Variants in TOR1AIP1 observed in about 807,000 individuals in gnomAD.
The protein encoded by TOR1AIP1 is torsin-1A-interacting protein 1.
In TOR1AIP1, 54 loss-of-function variants were observed where a neutral mutation model predicts 63.3. That is an observed-to-expected ratio of 0.85 (90% CI 0.69 to 1.07). The LOEUF (loss-of-function observed/expected upper bound fraction) is 1.07. TOR1AIP1 is among the 50% of genes least tolerant of loss of function. TOR1AIP1 has a pLI of 0.00. For missense variants in TOR1AIP1, 736 were observed against 715.0 expected (o/e 1.03, Z -0.33); for synonymous variants, 294 against 273.5 (o/e 1.07, Z -0.74).
At chr1:179,908,410 C>A (rs1487315324) in intron 7 of TOR1AIP1, among the ~76,000 whole-genome samples, 195 bp from the exon 8 acceptor site, 1 of 152,160 alleles carries the variant, frequency 6.6e-6, no homozygotes, top group Non-Finnish European at 1.5e-5. Flanking sequence ...TTGCTACCTG[C>A]TTTGCTGTAG....
chr1:179,890,330 A>T (rs935698362), intron 3 of TOR1AIP1, among the ~76,000 whole-genome samples: 21 of 152,328 alleles, frequency 1.4e-4, no homozygotes, highest in Admixed American at 1.2e-3. Flanking sequence ...GGGAACTAAA[A>T]AGGAAATGTA....
chr1:179,907,625 A>T (rs1183903189), intron 6 of TOR1AIP1, among the ~76,000 whole-genome samples, 198 bp from the exon 7 acceptor site: 1 of 23,282 alleles, frequency 4.3e-5, no homozygotes, highest in South Asian at 2.1e-3. Context: ...ATATGTATAT[A>T]TATGTATATA....
chr1:179,884,611 G>A, intron 1 of TOR1AIP1, 81 bp from the exon 2 acceptor site: 2 of 1,207,624 alleles, frequency 1.7e-6, no homozygotes, highest in South Asian at 2.9e-5. Flanking sequence ...CTTATGTATT[G>A]TTACAAAAAT....
chr1:179,883,500 T>C (rs1443801259), intron 1 of TOR1AIP1: 3 of 399,164 alleles, frequency 7.5e-6, no homozygotes, highest in Non-Finnish European at 1.5e-5. Context: ...TTGCTGAGTT[T>C]AGTGAATTGA....
rs2148471799 is a variant in TOR1AIP1, at chr1:179,889,383, T to C, written c.610+14T>C. The stretch of plus-strand genomic sequence containing the variant: ...ACCCAAGATATGGTAAGAGATTGTT[T>C]GTCTGTTGGTTTACCTTTGTTATAA... On this transcript the variant is annotated intron_variant, in intron 3 of 9. Coordinates refer to ENST00000606911, the MANE Select transcript of TOR1AIP1 (RefSeq NM_015602.4). 6.3e-7 allele frequency: 1 copy of C among 1,598,850 alleles called. No individual in the cohort carries two copies. Among genetic ancestry groups the C allele is most frequent in the East Asian group, 2.2e-5 (1 of 44,726 alleles).
At chr1:179,912,746 A>T (rs1019083725) in intron 8 of TOR1AIP1, among the ~76,000 whole-genome samples, 1 of 152,192 alleles carries the variant, frequency 6.6e-6, no homozygotes, top group African/African-American at 2.4e-5. Flanking sequence ...TATTCCTCTT[A>T]CAGTTGCTGT....
chr1:179,882,314 C>A lies in TOR1AIP1; in HGVS notation c.-189C>A. 1.9e-6 allele frequency: 1 copy of A among 513,710 alleles called. No individual in the cohort carries two copies. The highest frequency in any genetic ancestry group is 3.3e-6 in the Non-Finnish European group (1 of 307,568). The allele number at this position is 513,710 out of a possible 1,614,324, so 31.8% of individuals were successfully genotyped here. On this transcript the variant is annotated 5_prime_UTR_variant, in exon 1 of 10. Coordinates refer to ENST00000606911, the MANE Select transcript of TOR1AIP1 (RefSeq NM_015602.4). ...CCTCTCTCACAGCCCTCAAGACACA[C>A]CATGGGCCCAGAGGCAGGTTTGCTA... is the stretch of plus-strand genomic sequence containing the variant.
intron 7 of TOR1AIP1, among the ~76,000 whole-genome samples, chr1:179,908,299 A>T (rs1259422837): frequency 1.3e-5 from 2 of 152,024 alleles, no homozygotes; most frequent in African/African-American, 4.8e-5. Context: ...TTTTTAATTC[A>T]CCACGGATTG....
intron 2 of TOR1AIP1, 27 bp from the exon 3 acceptor site, chr1:179,889,286 A>T (rs779560939): frequency 6.5e-7 from 1 of 1,539,292 alleles, no homozygotes; most frequent in South Asian, 1.2e-5. Context: ...ATATATTTTT[A>T]AATGTTTTCT....
chr1:179,907,615 A>ATATG (rs1385518191), intron 6 of TOR1AIP1, among the ~76,000 whole-genome samples: 1 of 22,068 alleles, frequency 4.5e-5, no homozygotes, highest in African/African-American at 1.1e-4. Context: ...ATATATATAT[A>ATATG]TATGTATATA....
rs1301688963 is a variant in TOR1AIP1, at chr1:179,900,130, C to T, written c.615C>T (p.Ala205=). 3.1e-6 allele frequency: 5 copies of T among 1,605,080 alleles called. No homozygotes were observed. The highest frequency in any genetic ancestry group is 2.6e-6 in the Non-Finnish European group (3 of 1,174,422). The part of the protein sequence containing the change: ...RPPLRYPRYE[A]TSVQQKVNFS... ...ATGTATGCTTTTTTCTTCTAGAAGC[C>T]ACCAGTGTCCAACAGAAGGTCAATT... is the stretch of plus-strand genomic sequence containing the variant. Residue 205 remains alanine, a synonymous_variant, in exon 4 of 10, where the codon GCC becomes GCT. Transcript: ENST00000606911.
rs1479607699 is a variant in TOR1AIP1 at position 179,907,938 on chromosome 1, A to G, written c.838+74A>G. On this transcript the variant is annotated intron_variant, in intron 7 of 9. Coordinates refer to ENST00000606911, the MANE Select transcript of TOR1AIP1 (RefSeq NM_015602.4). The stretch of plus-strand genomic sequence containing the variant: ...CTTTTTTTTTTTTTTTTTTTTTGAG[A>G]CGATGTCTTGCTCTGTCGCCCAGGC... 13 of 566,242 alleles carry G rather than the reference A, an allele frequency of 2.3e-5. No homozygotes were observed. In the African/African-American group the frequency reaches 3.0e-4, roughly 13 times the overall value. 35.1% of individuals were successfully genotyped at this position (566,242 alleles called of 1,614,324 possible). A position where few individuals can be genotyped will look rare whatever the true frequency, so the allele number is the denominator to read the frequency against.
chr1:179,909,943 T>C (rs1271014713), intron 8 of TOR1AIP1, among the ~76,000 whole-genome samples: 1 of 152,182 alleles, frequency 6.6e-6, no homozygotes, highest in African/African-American at 2.4e-5. Context: ...TTTGTACTTT[T>C]AGTAGAGACG....
intron 8 of TOR1AIP1, among the ~76,000 whole-genome samples, chr1:179,910,546 A>G (rs997646861): frequency 7.2e-5 from 11 of 152,198 alleles, no homozygotes; most frequent in African/African-American, 2.4e-4. Context: ...TATTGCTGTG[A>G]TTATGTGCCT....
intron 8 of TOR1AIP1, among the ~76,000 whole-genome samples, chr1:179,909,126 A>G (rs1290006296): frequency 6.6e-6 from 1 of 152,034 alleles, no homozygotes; most frequent in Non-Finnish European, 1.5e-5. Flanking sequence ...GCACCACTGC[A>G]CTCCAGCCTG....
At chr1:179,912,280 A>C (rs1415475001) in intron 8 of TOR1AIP1, among the ~76,000 whole-genome samples, 1 of 152,014 alleles carries the variant, frequency 6.6e-6, no homozygotes, top group African/African-American at 2.4e-5. Context: ...TCGACCTCCC[A>C]AAGTGTTGGG....
intron 2 of TOR1AIP1, among the ~76,000 whole-genome samples, chr1:179,888,275 C>T (rs905635764): frequency 6.6e-6 from 1 of 152,040 alleles, no homozygotes; most frequent in African/African-American, 2.4e-5. Context: ...ATCATGTGTG[C>T]AGGGTTTTTG....
intron 3 of TOR1AIP1, among the ~76,000 whole-genome samples, chr1:179,895,624 G>A (rs615337): frequency 0.45 from 68,209 of 152,044 alleles, 18,836 homozygotes; most frequent in East Asian, 0.7. Context: ...AAGAGGCCGG[G>A]CACGGTGTCT....
At chr1:179,883,512 T>A in intron 1 of TOR1AIP1, 1 of 414,234 alleles carries the variant, frequency 2.4e-6, no homozygotes, top group South Asian at 1.7e-5. Context: ...GTGAATTGAT[T>A]TGAGACCTCA....
Sources: allele counts gnomAD v4.1 joint callset (sites outside exome capture counted in the v4.1 genomes callset), GRCh38; gene constraint gnomAD v4.1.1; transcripts MANE v1.5; gene names NCBI Gene and HGNC (gene_info 2026-07-23, HGNC 2026-07-21).